The following ADCY5 variants were observed in gnomAD, a reference collection of about 807,000 sequenced individuals.
ADCY5 encodes the protein adenylate cyclase type 5.
ADCY5 carries 30 observed loss-of-function variants against 119.7 expected under a neutral mutation model. That is an observed-to-expected ratio of 0.25 (90% CI 0.19 to 0.34). The LOEUF (loss-of-function observed/expected upper bound fraction) is 0.34. Ranked by LOEUF, ADCY5 falls within the 10% of genes least tolerant of loss-of-function variation. ADCY5 has a pLI of 1.00. For synonymous variants in ADCY5, 753 were observed against 762.2 expected (o/e 0.99, Z 0.20); for missense variants, 1,324 against 1,775.2 (o/e 0.75, Z 4.57).
chr3:123,349,102 A>G (rs755735354), intron 2 of ADCY5, among the ~76,000 whole-genome samples: 18 of 152,122 alleles, frequency 1.2e-4, no homozygotes, highest in Non-Finnish European at 1.9e-4. Context: ...CCTCCCGTCC[A>G]TGGCTTGCCA....
Position 123,447,457 on chromosome 3 carries a change from G to A in ADCY5, c.1089C>T (p.Ala363=), listed in dbSNP as rs1489815571. ...SGVLLSALHL[A]IALRTNAQDQ... The stretch of plus-strand genomic sequence containing the variant: ...CCTGGGCGTTGGTGCGCAGGGCGAT[G>A]GCCAGGTGGAGGGCGGACAGGAGCA... Residue 363 remains alanine, a synonymous_variant, in exon 1 of 21, where the codon GCC becomes GCT. Transcript: ENST00000462833. The A allele has an allele frequency of 6.2e-7, 1 of 1,608,972 alleles. No homozygotes were observed. The highest frequency in any genetic ancestry group is 8.5e-7 in the Non-Finnish European group (1 of 1,177,634).
At chr3:123,380,369 T>G (rs1328041372) in intron 1 of ADCY5, among the ~76,000 whole-genome samples, 1 of 152,168 alleles carries the variant, frequency 6.6e-6, no homozygotes, top group African/African-American at 2.4e-5. Flanking sequence ...TTGGAGGCTT[T>G]TAGATCCTGG....
chr3:123,406,665 A>G (rs2107617262), intron 1 of ADCY5, among the ~76,000 whole-genome samples: 1 of 152,114 alleles, frequency 6.6e-6, no homozygotes, highest in African/African-American at 2.4e-5. Context: ...TCCCATGGTC[A>G]CTCAAAATGG....
chr3:123,333,488 G>A (rs746149899), intron 3 of ADCY5, among the ~76,000 whole-genome samples: 7 of 152,246 alleles, frequency 4.6e-5, no homozygotes, highest in East Asian at 1.9e-4. Context: ...GGGGCTCCAC[G>A]CGGCTGCTGG....
chr3:123,416,662 T>C (rs1945191301), intron 1 of ADCY5, among the ~76,000 whole-genome samples: 1 of 152,126 alleles, frequency 6.6e-6, no homozygotes, highest in Admixed American at 6.5e-5. Flanking sequence ...AATTCCTCTG[T>C]TGAAGCCCTG....
intron 1 of ADCY5, among the ~76,000 whole-genome samples, chr3:123,381,475 T>G (rs777643071): frequency 1.7e-4 from 26 of 152,222 alleles, no homozygotes; most frequent in Non-Finnish European, 3.7e-4. Context: ...ACATTGACAG[T>G]GAGTATCTCC....
intron 5 of ADCY5, among the ~76,000 whole-genome samples, chr3:123,330,647 C>T (rs1373466990): frequency 6.6e-6 from 1 of 152,214 alleles, no homozygotes; most frequent in Non-Finnish European, 1.5e-5. Context: ...TCTGCAGAGC[C>T]CTCCCCTCCC....
intron 1 of ADCY5, among the ~76,000 whole-genome samples, chr3:123,399,009 GA>G (rs1944682215): frequency 6.6e-6 from 1 of 152,180 alleles, no homozygotes; most frequent in Non-Finnish European, 1.5e-5. Context: ...TATCCCCTTA[GA>G]ATCTCCCAGG....
rs961933256 is a variant in ADCY5, at chr3:123,352,342, A to T, written c.1284+90T>A. ...GGGAGTGGGGCTGGCAGCCGTAATA[A>T]GCACTGCCCGCCCTAGGCCAGGCAC... On this transcript the variant is annotated intron_variant, in intron 2 of 20. Coordinates refer to ENST00000462833, the MANE Select transcript of ADCY5 (RefSeq NM_183357.3). This position sits in a 1 kb window ranked among gnomAD's most constrained non-coding sequence, Gnocchi z 4.8. 44 of 1,454,888 alleles carry T rather than the reference A, an allele frequency of 3.0e-5. No individual in the cohort carries two copies. The highest frequency in any genetic ancestry group is 3.0e-5 in the Non-Finnish European group (33 of 1,094,368). The allele number at this position is 1,454,888 out of a possible 1,614,324, so 90.1% of individuals were successfully genotyped here.
intron 1 of ADCY5, among the ~76,000 whole-genome samples, chr3:123,436,871 C>G (rs1241999166): frequency 6.6e-6 from 1 of 152,162 alleles, no homozygotes; most frequent in Non-Finnish European, 1.5e-5. Flanking sequence ...CCACGGAGGT[C>G]TGCACTTCAT....
intron 12 of ADCY5, among the ~76,000 whole-genome samples, chr3:123,311,469 T>G (rs1940575350): frequency 6.6e-6 from 1 of 152,202 alleles, no homozygotes; most frequent in South Asian, 2.1e-4. Context: ...CTTTCATGTC[T>G]TCACGTGCAA....
At chr3:123,350,347 G>A (rs1576609700) in intron 2 of ADCY5, among the ~76,000 whole-genome samples, 2 of 152,368 alleles carry the variant, frequency 1.3e-5, no homozygotes, top group East Asian at 1.9e-4. Flanking sequence ...GTGAAGGGCG[G>A]TGTTCTCTGT....
chr3:123,423,551 T>A (rs1945344569), intron 1 of ADCY5, among the ~76,000 whole-genome samples: 1 of 152,118 alleles, frequency 6.6e-6, no homozygotes, highest in African/African-American at 2.4e-5. Context: ...CAAGGGGCTC[T>A]CAGACTAAGG....
chr3:123,414,303 G>A (rs762830084), intron 1 of ADCY5, among the ~76,000 whole-genome samples: 25 of 152,184 alleles, frequency 1.6e-4, no homozygotes, highest in Admixed American at 3.9e-4. Flanking sequence ...CACTTACTGT[G>A]CAGCTCTGTG....
intron 1 of ADCY5, among the ~76,000 whole-genome samples, chr3:123,364,766 T>C (rs537086853): frequency 2.0e-4 from 31 of 151,882 alleles, no homozygotes; most frequent in African/African-American, 7.3e-4. Context: ...CACTTCGAAA[T>C]CATAGAAAAG....
At chr3:123,348,063 GTCTGTGCA>G (rs376638853) in intron 2 of ADCY5, among the ~76,000 whole-genome samples, 160 bp from the exon 3 acceptor site, 18 of 150,578 alleles carry the variant, frequency 1.2e-4, no homozygotes, top group Non-Finnish European at 1.6e-4. Context: ...GTGTGTGTGT[GTCTGTGCA>G]TGTGTGTGTA....
chr3:123,326,281 C>T (rs1054416056), intron 7 of ADCY5, among the ~76,000 whole-genome samples: 2 of 152,238 alleles, frequency 1.3e-5, no homozygotes, highest in South Asian at 2.1e-4. Context: ...GGCCAACACA[C>T]TCCCCAGGAT....
At chr3:123,425,099 A>G (rs1945377748) in intron 1 of ADCY5, among the ~76,000 whole-genome samples, 1 of 135,440 alleles carries the variant, frequency 7.4e-6, no homozygotes, top group Non-Finnish European at 1.6e-5. Flanking sequence ...TGAGCACTGC[A>G]GAGAGGGGCC....
intron 1 of ADCY5, among the ~76,000 whole-genome samples, chr3:123,380,211 A>G (rs546366370): frequency 2.6e-5 from 4 of 152,298 alleles, no homozygotes; most frequent in African/African-American, 7.2e-5. Context: ...GCAATTACCA[A>G]TGCCATCCAT....
Sources: allele counts gnomAD v4.1 joint callset (sites outside exome capture counted in the v4.1 genomes callset), GRCh38; gene constraint gnomAD v4.1.1; non-coding constraint Gnocchi (gnomAD v3.1); transcripts MANE v1.5; gene names NCBI Gene and HGNC (gene_info 2026-07-23, HGNC 2026-07-21).